Variants in CALCR observed in about 807,000 individuals in gnomAD.
The protein encoded by CALCR is calcitonin receptor.
CALCR carries 47 observed loss-of-function variants against 59.5 expected under a neutral mutation model. The observed-to-expected ratio is 0.79, with a 90% CI of 0.63 to 1.01. CALCR has a LOEUF of 1.01. Among genes scored for constraint, CALCR ranks in the 50% least tolerant of loss-of-function variants. The pLI is 0.00. For synonymous variants in CALCR, 213 were observed against 211.3 expected (o/e 1.01, Z -0.07); for missense variants, 566 against 597.1 (o/e 0.95, Z 0.54).
chr7:93,445,680 T>A (rs1014429359), intron 8 of CALCR, among the ~76,000 whole-genome samples: 1 of 152,096 alleles, frequency 6.6e-6, no homozygotes, highest in African/African-American at 2.4e-5. Flanking sequence ...ATGTGTTTTG[T>A]TTAAAGACAA....
chr7:93,475,010 C>A (rs182881257), intron 5 of CALCR, among the ~76,000 whole-genome samples: 1 of 151,602 alleles, frequency 6.6e-6, no homozygotes, highest in East Asian at 2.0e-4. Flanking sequence ...TCACTGAGAT[C>A]TGATAATATT....
chr7:93,479,228 AGT>A, intron 4 of CALCR, 124 bp downstream of exon 4: 1 of 922,214 alleles, frequency 1.1e-6, no homozygotes. Context: ...AACATACCAT[AGT>A]GTGAAAACTG....
chr7:93,451,215 C>T (rs1328672247), intron 8 of CALCR, among the ~76,000 whole-genome samples: 1 of 151,974 alleles, frequency 6.6e-6, no homozygotes, highest in Non-Finnish European at 1.5e-5. Flanking sequence ...ATTTACACTG[C>T]ATGCAAATCA....
chr7:93,531,583 C>G (rs1788839393), intron 2 of CALCR, among the ~76,000 whole-genome samples: 1 of 152,002 alleles, frequency 6.6e-6, no homozygotes, highest in African/African-American at 2.4e-5. Flanking sequence ...TTTTTATATA[C>G]TCCTCAAAGC....
intron 8 of CALCR, among the ~76,000 whole-genome samples, chr7:93,453,458 C>T (rs746964312): frequency 9.9e-5 from 15 of 151,958 alleles, no homozygotes; most frequent in Non-Finnish European, 1.3e-4. Flanking sequence ...TCCAGCTAAG[C>T]ACAACAAATA....
chr7:93,537,947 G>C (rs578251212), intron 2 of CALCR, among the ~76,000 whole-genome samples: 1 of 151,762 alleles, frequency 6.6e-6, no homozygotes, highest in Non-Finnish European at 1.5e-5. Context: ...TTTAAAATGG[G>C]TATTATTAAA....
chr7:93,544,086 A>C (rs538128233), intron 2 of CALCR, among the ~76,000 whole-genome samples: 39 of 152,220 alleles, frequency 2.6e-4, no homozygotes, highest in African/African-American at 9.4e-4. Context: ...ATGACCATAA[A>C]TGTAGTTGGA....
chr7:93,493,719 T>C (rs2115968293), intron 2 of CALCR, among the ~76,000 whole-genome samples: 1 of 151,474 alleles, frequency 6.6e-6, no homozygotes, highest in South Asian at 2.1e-4. Context: ...AGTGTGATCA[T>C]GAAGAGAAAT....
intron 2 of CALCR, among the ~76,000 whole-genome samples, chr7:93,546,576 CTTT>C (rs772741599): frequency 3.5e-5 from 5 of 141,866 alleles, no homozygotes; most frequent in Admixed American, 7.1e-5. Flanking sequence ...TTTTTCTTTT[CTTT>C]TTTTTTTTTT....
At position 93,479,510 on chromosome 7, in the gene CALCR, G is replaced by A. The variant is rs1035225535; in HGVS notation, c.52-3C>T. On this transcript the variant is annotated splice_region_variant and splice_polypyrimidine_tract_variant and intron_variant, in intron 3 of 13. Coordinates refer to ENST00000426151, the MANE Select transcript of CALCR (RefSeq NM_001742.4). ...GCAGGAAGAATTGGGGTTGGGTGCT[G>A]TATTAAAAAGAAAAATCAGTTACTT... The A allele has an allele frequency of 4.8e-5, 78 of 1,608,780 alleles. No individual in the cohort carries two copies. The highest frequency in any genetic ancestry group is 5.8e-5 in the Non-Finnish European group (68 of 1,177,814).
intron 2 of CALCR, among the ~76,000 whole-genome samples, chr7:93,528,124 T>G (rs1381891627): frequency 1.3e-5 from 2 of 152,162 alleles, no homozygotes; most frequent in African/African-American, 4.8e-5. Flanking sequence ...AAGTGCATGT[T>G]TAAATAAATT....
At chr7:93,554,126 T>C (rs1789532952) in intron 2 of CALCR, among the ~76,000 whole-genome samples, 1 of 152,192 alleles carries the variant, frequency 6.6e-6, no homozygotes, top group African/African-American at 2.4e-5. Context: ...TGCTTTAGTG[T>C]GACATTTTCA....
intron 8 of CALCR, among the ~76,000 whole-genome samples, chr7:93,455,439 C>T (rs867771852): frequency 3.2e-4 from 48 of 151,130 alleles, no homozygotes; most frequent in African/African-American, 1.2e-3. Context: ...CTTCTTTTTT[C>T]CCCTTGTCTC....
intron 13 of CALCR, 146 bp from the exon 14 acceptor site, chr7:93,426,735 G>A (rs1414330267): frequency 1.0e-5 from 5 of 491,334 alleles, no homozygotes; most frequent in African/African-American, 7.8e-5. Context: ...GTATGCTGTG[G>A]CCACAGAATA....
intron 5 of CALCR, among the ~76,000 whole-genome samples, chr7:93,474,696 G>A (rs1800627235): frequency 6.6e-6 from 1 of 151,728 alleles, no homozygotes; most frequent in South Asian, 2.1e-4. Context: ...TTGTCTGAGA[G>A]ATCAAATAGC....
intron 2 of CALCR, among the ~76,000 whole-genome samples, chr7:93,492,257 C>T (rs140663854): frequency 2.0e-4 from 30 of 150,182 alleles, no homozygotes; most frequent in African/African-American, 5.9e-4. Flanking sequence ...GGGAGGGGTG[C>T]GAAGGGAGGA....
chr7:93,554,708 G>T (rs1194105600), intron 2 of CALCR, among the ~76,000 whole-genome samples: 2 of 147,562 alleles, frequency 1.4e-5, no homozygotes, highest in Non-Finnish European at 1.5e-5. Flanking sequence ...CCATTTCCCA[G>T]GTTAGGATAA....
Position 93,468,785 on chromosome 7 carries a change from A to G in CALCR, c.451T>C (p.Leu151=). ...GACAAAGAATGACCCACAATAGCCA[A>G]ATAGTACAGAACATATGCATTCTGG... ...KLKNAYVLYY[L]AIVGHSLSIF... The change falls in exon 7 of 14, where the codon TTG becomes CTG. Residue 151 remains leucine (L), a synonymous_variant. Transcript: ENST00000426151. The G allele has an allele frequency of 1.2e-6, 2 of 1,609,202 alleles. No individual in the cohort carries two copies. Among genetic ancestry groups the G allele is most frequent in the Non-Finnish European group, 1.7e-6 (2 of 1,176,678 alleles).
At chr7:93,541,678 C>G (rs573181350) in intron 2 of CALCR, among the ~76,000 whole-genome samples, 1 of 152,254 alleles carries the variant, frequency 6.6e-6, no homozygotes, top group South Asian at 2.1e-4. Flanking sequence ...GACTTATGTG[C>G]TAACGTACAA....
Sources: allele counts gnomAD v4.1 joint callset (sites outside exome capture counted in the v4.1 genomes callset), GRCh38; gene constraint gnomAD v4.1.1; transcripts MANE v1.5; gene names NCBI Gene and HGNC (gene_info 2026-07-23, HGNC 2026-07-21).